The following PLEKHM3 variants were observed in gnomAD, a reference collection of about 807,000 sequenced individuals.
PLEKHM3 encodes the protein pleckstrin homology domain containing M3.
A neutral mutation model predicts 81.8 loss-of-function variants in PLEKHM3; 45 were observed. The ratio of observed to expected loss-of-function variants is 0.55; its 90% CI spans 0.43 to 0.71. The LOEUF is 0.71. Ranked by LOEUF, PLEKHM3 falls within the 30% of genes least tolerant of loss-of-function variation. The pLI is 0.00. For missense variants in PLEKHM3, 788 were observed against 924.3 expected, an observed-to-expected ratio of 0.85 and a Z score of 1.91; for synonymous variants, 352 against 356.4, an observed-to-expected ratio of 0.99 and a Z score of 0.14.
Position 207,956,718 on chromosome 2 carries a change from A to ATTTTTTTTTTTTT in PLEKHM3, c.1547-10219_1547-10207dup, listed in dbSNP as rs1170073686. Among the ~76,000 whole-genome samples, 6 of 69,144 alleles carry ATTTTTTTTTTTTT rather than the reference A, an allele frequency of 8.7e-5. 1 individual carries two copies. Among genetic ancestry groups the ATTTTTTTTTTTTT allele is most frequent in the Non-Finnish European group, 1.7e-4 (6 of 35,262 alleles). The allele number at this position is 69,144 out of a possible 152,430, so 45.4% of individuals were successfully genotyped here. On this transcript the variant is annotated intron_variant, in intron 3 of 7. Coordinates refer to ENST00000427836, the MANE Select transcript of PLEKHM3 (RefSeq NM_001080475.3). ...ATGCCACCACACCTGGCTGATTAAA[A>ATTTTTTTTTTTTT]TTTTTTTTTTTTTTTTTTTTTTTTT...
At chr2:208,023,788 A>G (rs1693210295) in intron 1 of PLEKHM3, among the ~76,000 whole-genome samples, 3 of 152,262 alleles carry the variant, frequency 2.0e-5, no homozygotes, top group South Asian at 4.1e-4. Flanking sequence ...GCATTAAACA[A>G]CAAATCCCCA....
At chr2:207,914,187 TA>T (rs1288306108) in intron 5 of PLEKHM3, among the ~76,000 whole-genome samples, 3 of 151,402 alleles carry the variant, frequency 2.0e-5, no homozygotes, top group Non-Finnish European at 4.4e-5. Flanking sequence ...ACCCTATCTC[TA>T]AAAAAAATAC....
intron 3 of PLEKHM3, among the ~76,000 whole-genome samples, chr2:207,951,866 T>C (rs1352898015): frequency 1.3e-5 from 2 of 152,196 alleles, no homozygotes; most frequent in East Asian, 3.9e-4. Context: ...TTTACGACTA[T>C]TACCTTCAGT....
chr2:207,845,658 T>C (rs1001833585), intron 7 of PLEKHM3, among the ~76,000 whole-genome samples: 20 of 152,108 alleles, frequency 1.3e-4, no homozygotes, highest in African/African-American at 4.6e-4. Flanking sequence ...ACTTAAATAA[T>C]GAATTTCCTG....
At chr2:207,922,261 C>T (rs1167765270) in intron 5 of PLEKHM3, among the ~76,000 whole-genome samples, 2 of 152,088 alleles carry the variant, frequency 1.3e-5, no homozygotes, top group African/African-American at 2.4e-5. Flanking sequence ...TTTCTAAATA[C>T]CATCTGCCCT....
intron 3 of PLEKHM3, among the ~76,000 whole-genome samples, chr2:207,947,968 T>C (rs1017821378): frequency 1.3e-5 from 2 of 152,224 alleles, no homozygotes; most frequent in African/African-American, 4.8e-5. Context: ...TTAGATCTCA[T>C]TGTTTTTAAA....
chr2:207,976,408 C>T lies in PLEKHM3; in HGVS notation c.1546+243G>A, dbSNP rs1414424286. On this transcript the variant is annotated intron_variant, in intron 3 of 7. Transcript: ENST00000427836. This position sits in a 1 kb window ranked among gnomAD's most constrained non-coding sequence, Gnocchi z 4.1. ...CTTTAGCCAAATCATTTTGATTCAA[C>T]AGGATATATCATAGCTGCTTCTATT... 2.6e-5 allele frequency among the ~76,000 whole-genome samples: 4 copies of T among 152,178 alleles called. No homozygotes were observed. The highest frequency in any genetic ancestry group is 1.9e-4 in the East Asian group (1 of 5,198).
At chr2:207,956,698 AC>A (rs1220480276) in intron 3 of PLEKHM3, among the ~76,000 whole-genome samples, 3 of 135,926 alleles carry the variant, frequency 2.2e-5, no homozygotes, top group African/African-American at 8.2e-5. Flanking sequence ...GGTGCATGCC[AC>A]CACACCTGGC....
chr2:207,847,022 A>C (rs927828594), intron 7 of PLEKHM3, among the ~76,000 whole-genome samples: 1 of 152,206 alleles, frequency 6.6e-6, no homozygotes, highest in Non-Finnish European at 1.5e-5. Flanking sequence ...AAACAGCAAA[A>C]AATTAAGCTG....
chr2:207,860,959 G>A, intron 7 of PLEKHM3, 146 bp downstream of exon 7: 3 of 912,078 alleles, frequency 3.3e-6, no homozygotes, highest in Non-Finnish European at 3.2e-6. Flanking sequence ...ACCAAAGGGG[G>A]AAACATGTTC....
chr2:207,885,997 C>G (rs905953801), intron 6 of PLEKHM3, among the ~76,000 whole-genome samples: 3 of 152,076 alleles, frequency 2.0e-5, no homozygotes, highest in Non-Finnish European at 4.4e-5. Flanking sequence ...TGAACAGTGG[C>G]ACCCCAATAT....
intron 6 of PLEKHM3, among the ~76,000 whole-genome samples, chr2:207,890,443 C>G (rs902907625): frequency 2.0e-5 from 3 of 152,098 alleles, no homozygotes; most frequent in East Asian, 3.9e-4. Flanking sequence ...GCCTGGCCAA[C>G]ATGGTGAAAC....
intron 7 of PLEKHM3, among the ~76,000 whole-genome samples, chr2:207,838,304 C>A (rs533320867): frequency 6.6e-6 from 1 of 152,144 alleles, no homozygotes; most frequent in Non-Finnish European, 1.5e-5. Context: ...TCCTGCAATG[C>A]TCTTTTTATC....
intron 7 of PLEKHM3, among the ~76,000 whole-genome samples, chr2:207,835,396 C>T (rs1422510949): frequency 1.3e-5 from 2 of 152,158 alleles, no homozygotes; most frequent in African/African-American, 4.8e-5. Context: ...TACTTTATCT[C>T]TAAATCTCAC....
intron 4 of PLEKHM3, among the ~76,000 whole-genome samples, chr2:207,937,383 T>C (rs903720798): frequency 6.6e-6 from 1 of 152,066 alleles, no homozygotes; most frequent in African/African-American, 2.4e-5. Context: ...CTGGGCAACA[T>C]AGCAAGACTT....
At chr2:207,860,319 A>G (rs1258558726) in intron 7 of PLEKHM3, among the ~76,000 whole-genome samples, 1 of 151,970 alleles carries the variant, frequency 6.6e-6, no homozygotes, top group African/African-American at 2.4e-5. Context: ...GGGCTGAGTC[A>G]ACTCTCAATA....
chr2:208,013,283 C>T (rs1692761388), intron 1 of PLEKHM3, among the ~76,000 whole-genome samples: 1 of 151,690 alleles, frequency 6.6e-6, no homozygotes, highest in Non-Finnish European at 1.5e-5. Context: ...TTTGGGAGGT[C>T]GAGGCAGGCA....
chr2:207,828,869 C>T (rs935558020), intron 7 of PLEKHM3, among the ~76,000 whole-genome samples: 3 of 152,134 alleles, frequency 2.0e-5, no homozygotes, highest in Non-Finnish European at 2.9e-5. Flanking sequence ...CTCGTGAAAA[C>T]GCTCGGCACA....
chr2:207,846,530 G>T (rs1261618939), intron 7 of PLEKHM3, among the ~76,000 whole-genome samples: 2 of 150,800 alleles, frequency 1.3e-5, no homozygotes, highest in Non-Finnish European at 3.0e-5. Flanking sequence ...CTCCAGCCTG[G>T]GCAACATGGT....
Sources: allele counts gnomAD v4.1 joint callset (sites outside exome capture counted in the v4.1 genomes callset), GRCh38; gene constraint gnomAD v4.1.1; non-coding constraint Gnocchi (gnomAD v3.1); transcripts MANE v1.5; gene names NCBI Gene and HGNC (gene_info 2026-07-23, HGNC 2026-07-21).